Variants in KCNMA1 observed in about 807,000 individuals in gnomAD.
KCNMA1 encodes potassium calcium-activated channel subfamily M alpha 1, also known as Calcium-activated potassium channel subunit alpha-1.
Under a neutral mutation model 140.0 loss-of-function variants are expected in KCNMA1, and 29 were observed. The ratio of observed to expected loss-of-function variants is 0.21; its 90% CI spans 0.15 to 0.28. KCNMA1 has a LOEUF of 0.28. KCNMA1 is among the 10% of genes least tolerant of loss of function. The pLI is 1.00. For synonymous variants in KCNMA1, 612 were observed against 611.9 expected (o/e 1.00, Z 0.00); for missense variants, 880 against 1,602.2 (o/e 0.55, Z 7.70).
chr10:77,410,715 A>C (rs1006982715), intron 1 of KCNMA1, among the ~76,000 whole-genome samples: 3 of 152,138 alleles, frequency 2.0e-5, no homozygotes, highest in East Asian at 3.9e-4. Flanking sequence ...GCTCCACTTC[A>C]GATGCAATGG....
chr10:77,156,854 C>G (rs139991375), intron 5 of KCNMA1, among the ~76,000 whole-genome samples: 1 of 152,198 alleles, frequency 6.6e-6, no homozygotes, highest in African/African-American at 2.4e-5. Flanking sequence ...GGACTCAACA[C>G]GAGTGGACTG....
intron 15 of KCNMA1, among the ~76,000 whole-genome samples, chr10:77,030,302 G>T (rs74140257): frequency 0.012 from 1,866 of 152,296 alleles, 28 homozygotes; most frequent in African/African-American, 0.043. Flanking sequence ...CTTAATTTAT[G>T]TCCCAAAGAG....
chr10:77,116,090 C>T (rs537088251), intron 6 of KCNMA1, among the ~76,000 whole-genome samples: 6 of 152,278 alleles, frequency 3.9e-5, no homozygotes, highest in East Asian at 1.9e-4. Context: ...GGGCCAAACA[C>T]GAAGCTACCA....
At chr10:77,437,384 G>A (rs2097288084) in intron 1 of KCNMA1, among the ~76,000 whole-genome samples, 1 of 152,174 alleles carries the variant, frequency 6.6e-6, no homozygotes, top group Non-Finnish European at 1.5e-5. Flanking sequence ...CCTTTTCTGT[G>A]ATTGAAAGCA....
downstream of KCNMA1, among the ~76,000 whole-genome samples, chr10:76,883,744 G>A (rs1364546993): frequency 1.2e-4 from 13 of 107,022 alleles, no homozygotes; most frequent in East Asian, 5.3e-3. Context: ...TTTTTTTTGC[G>A]GGAGGCAGTG....
At chr10:77,010,142 C>T (rs895532060) in intron 18 of KCNMA1, among the ~76,000 whole-genome samples, 2 of 152,172 alleles carry the variant, frequency 1.3e-5, no homozygotes, top group Admixed American at 1.3e-4. Context: ...TTATTGGCCT[C>T]ACCTTTCCTC....
chr10:77,158,353 A>G (rs925089854), intron 5 of KCNMA1, among the ~76,000 whole-genome samples: 5 of 152,158 alleles, frequency 3.3e-5, no homozygotes, highest in African/African-American at 7.2e-5. Flanking sequence ...TCTCCTTATT[A>G]TAGGTGAGGG....
At chr10:77,471,654 A>G (rs1045336508) in intron 1 of KCNMA1, among the ~76,000 whole-genome samples, 1 of 151,208 alleles carries the variant, frequency 6.6e-6, no homozygotes, top group Non-Finnish European at 1.5e-5. Context: ...ATATAGACAC[A>G]TCACACACTA....
intron 18 of KCNMA1, among the ~76,000 whole-genome samples, chr10:77,011,233 A>G (rs1339802573): frequency 2.0e-5 from 3 of 152,160 alleles, no homozygotes; most frequent in East Asian, 3.9e-4. Flanking sequence ...AGCAAAGACC[A>G]CTTAAGTCAT....
intron 20 of KCNMA1, among the ~76,000 whole-genome samples, chr10:76,965,239 A>G (rs984580646): frequency 1.3e-5 from 2 of 152,144 alleles, no homozygotes; most frequent in African/African-American, 4.8e-5. Flanking sequence ...TTTTAGAGGA[A>G]AACTCTAGGT....
intron 5 of KCNMA1, among the ~76,000 whole-genome samples, chr10:77,166,092 C>A (rs2098638767): frequency 6.6e-6 from 1 of 152,086 alleles, no homozygotes; most frequent in Admixed American, 6.6e-5. Flanking sequence ...CCCCTTTGTT[C>A]CCAGTGGAGC....
At chr10:77,564,631 C>T (rs955467609) in intron 1 of KCNMA1, among the ~76,000 whole-genome samples, 2 of 152,232 alleles carry the variant, frequency 1.3e-5, no homozygotes, top group African/African-American at 2.4e-5. Context: ...CATGCATGCC[C>T]CTTCCCAAGA....
intron 9 of KCNMA1, among the ~76,000 whole-genome samples, chr10:77,105,070 A>C (rs1277139514): frequency 2.0e-5 from 3 of 152,140 alleles, no homozygotes. Flanking sequence ...TACTCACTGA[A>C]CCCTTGGTTG....
At chr10:77,190,373 C>T (rs772719996) in intron 3 of KCNMA1, among the ~76,000 whole-genome samples, 2 of 152,180 alleles carry the variant, frequency 1.3e-5, no homozygotes, top group Non-Finnish European at 2.9e-5. Context: ...CCCCATTTTA[C>T]AGACAGAGAA....
intron 5 of KCNMA1, among the ~76,000 whole-genome samples, chr10:77,123,600 A>G (rs2097673241): frequency 6.6e-6 from 1 of 152,180 alleles, no homozygotes; most frequent in Admixed American, 6.5e-5. Context: ...TATGAAAGAT[A>G]ACAACACTCT....
At chr10:77,493,409 C>T (rs1238561164) in intron 1 of KCNMA1, among the ~76,000 whole-genome samples, 2 of 152,238 alleles carry the variant, frequency 1.3e-5, no homozygotes, top group African/African-American at 2.4e-5. Flanking sequence ...GTAGTACTGG[C>T]CAGCCAGGGC....
intron 2 of KCNMA1, among the ~76,000 whole-genome samples, chr10:77,334,980 T>G (rs1461768937): frequency 1.3e-5 from 2 of 152,214 alleles, no homozygotes; most frequent in Non-Finnish European, 2.9e-5. Flanking sequence ...CATATTCAAG[T>G]GTCTAACAGC....
chr10:77,303,313 G>C (rs1317853851), intron 2 of KCNMA1, among the ~76,000 whole-genome samples: 1 of 151,718 alleles, frequency 6.6e-6, no homozygotes, highest in East Asian at 1.9e-4. Flanking sequence ...CTCTCCTCAG[G>C]GTCCACTCAC....
At chr10:76,940,402 G>T (rs546529313) in intron 23 of KCNMA1, among the ~76,000 whole-genome samples, 21 of 152,292 alleles carry the variant, frequency 1.4e-4, no homozygotes, top group African/African-American at 4.8e-4. Context: ...TCCAATGAAG[G>T]CTCTACTTTC....
Sources: allele counts gnomAD v4.1 joint callset (sites outside exome capture counted in the v4.1 genomes callset), GRCh38; gene constraint gnomAD v4.1.1; transcripts MANE v1.5; gene names NCBI Gene and HGNC (gene_info 2026-07-23, HGNC 2026-07-21).